CDH13: variants seen among roughly 807,000 people sequenced by gnomAD.
The protein encoded by CDH13 is cadherin 13, also known as cadherin-13.
A neutral mutation model predicts 63.8 loss-of-function variants in CDH13; 24 were observed. The ratio of observed to expected loss-of-function variants is 0.38; its 90% CI spans 0.27 to 0.53. The LOEUF (loss-of-function observed/expected upper bound fraction) is 0.53. Among genes scored for constraint, CDH13 ranks in the 20% least tolerant of loss-of-function variants. The pLI is 0.85. For synonymous variants in CDH13, 503 were observed against 355.3 expected, an observed-to-expected ratio of 1.42 and a Z score of -4.67; for missense variants, 1,049 against 903.1, an observed-to-expected ratio of 1.16 and a Z score of -2.07.
At chr16:83,206,768 G>T (rs764831418) in intron 4 of CDH13, among the ~76,000 whole-genome samples, 2 of 152,220 alleles carry the variant, frequency 1.3e-5, no homozygotes, top group Non-Finnish European at 2.9e-5. Flanking sequence ...TTATATACTG[G>T]AGGAATTTGA....
chr16:83,503,543 A>G lies in CDH13; in HGVS notation c.960+16888A>G, dbSNP rs1350807407. ...GGGAGATGCCACTCAGCAATCAGAA[A>G]CCTCCATTCCTTTTCCTGGGGTGGA... is the stretch of plus-strand genomic sequence containing the variant. On this transcript the variant is annotated intron_variant, in intron 7 of 13. Coordinates refer to ENST00000567109, the MANE Select transcript of CDH13 (RefSeq NM_001257.5). Among the ~76,000 whole-genome samples the G allele has an allele frequency of 3.3e-5, 5 of 151,660 alleles. No homozygotes were observed. The East Asian group carries it at 9.7e-4, about 29-fold the overall frequency.
intron 1 of CDH13, among the ~76,000 whole-genome samples, chr16:82,840,265 T>C (rs1993766): frequency 0.23 from 34,613 of 151,472 alleles, 4,893 homozygotes; most frequent in Non-Finnish European, 0.33. Context: ...GTGGTGAAGC[T>C]GAGGAGGGCG....
At chr16:83,224,689 T>C (rs1384410451) in intron 5 of CDH13, among the ~76,000 whole-genome samples, 2 of 152,200 alleles carry the variant, frequency 1.3e-5, no homozygotes, top group East Asian at 3.9e-4. Context: ...GAGGTGAACA[T>C]TGGCAATTTC....
chr16:83,750,458 T>C (rs1161191037), intron 11 of CDH13, among the ~76,000 whole-genome samples: 1 of 152,200 alleles, frequency 6.6e-6, no homozygotes, highest in Non-Finnish European at 1.5e-5. Flanking sequence ...CTGAACTGTG[T>C]CCTCTCAATG....
At chr16:82,997,056 G>GTGC (rs1912310742) in intron 2 of CDH13, among the ~76,000 whole-genome samples, 2 of 148,158 alleles carry the variant, frequency 1.3e-5, no homozygotes, top group South Asian at 4.3e-4. Context: ...GATGATGATA[G>GTGC]TGATGGTGAT....
At chr16:82,934,347 G>A (rs2042597577) in intron 2 of CDH13, among the ~76,000 whole-genome samples, 1 of 152,216 alleles carries the variant, frequency 6.6e-6, no homozygotes, top group Non-Finnish European at 1.5e-5. Flanking sequence ...ATCCATGGCT[G>A]GAGAAGCTGG....
intron 7 of CDH13, among the ~76,000 whole-genome samples, chr16:83,592,025 C>T (rs992517381): frequency 6.6e-6 from 1 of 152,180 alleles, no homozygotes; most frequent in African/African-American, 2.4e-5. Context: ...TTCCGGCCTC[C>T]ACCTCTCCAC....
rs903601593 is a variant in CDH13, at chr16:82,865,087, G to C, written c.157+6614G>C. 2.6e-5 allele frequency among the ~76,000 whole-genome samples: 4 copies of C among 152,222 alleles called. No individual in the cohort carries two copies. In the East Asian group the frequency reaches 7.7e-4, roughly 29 times the overall value. On this transcript the variant is annotated intron_variant, in intron 2 of 13. Transcript: ENST00000567109. ...ACAGGTCACCCTGATGCAAGAGGTGGGTTCTCACAGTCTTGGGCAGTTCCA... is the reference window on the plus strand; with the variant it reads ...ACAGGTCACCCTGATGCAAGAGGTGCGTTCTCACAGTCTTGGGCAGTTCCA...
At chr16:83,249,810 G>A (rs1467912175) in intron 5 of CDH13, among the ~76,000 whole-genome samples, 3 of 152,186 alleles carry the variant, frequency 2.0e-5, no homozygotes, top group African/African-American at 7.2e-5. Flanking sequence ...AAGCTTTGAC[G>A]TTGGTGTTAC....
rs375739644 is a variant in CDH13, at chr16:82,935,088, G to A, written c.157+76615G>A. On this transcript the variant is annotated intron_variant, in intron 2 of 13. Coordinates refer to ENST00000567109, the MANE Select transcript of CDH13 (RefSeq NM_001257.5). ...CTGCTACAAAGACATACCTGAGACT[G>A]GGTGATTTATAAAGTAAAGTGGTTT... Among the ~76,000 whole-genome samples, 7 of 152,300 alleles carry A rather than the reference G, an allele frequency of 4.6e-5. No homozygotes were observed. The South Asian group carries it at 1.2e-3, about 27-fold the overall frequency.
chr16:83,504,221 G>T (rs1221404542), intron 7 of CDH13, among the ~76,000 whole-genome samples: 1 of 152,174 alleles, frequency 6.6e-6, no homozygotes, highest in Non-Finnish European at 1.5e-5. Context: ...TTAATCCTCA[G>T]GTTGCTGCAC....
intron 4 of CDH13, among the ~76,000 whole-genome samples, chr16:83,188,254 A>T (rs2038587133): frequency 6.6e-6 from 1 of 152,174 alleles, no homozygotes; most frequent in Admixed American, 6.5e-5. Context: ...CAAGGGTAGG[A>T]ACAGCTGCAA....
chr16:82,723,378 C>G (rs1187010014), intron 1 of CDH13, among the ~76,000 whole-genome samples: 2 of 152,198 alleles, frequency 1.3e-5, no homozygotes, highest in Non-Finnish European at 2.9e-5. Context: ...TTCACCAGCT[C>G]TCTTCCTTCT....
intron 2 of CDH13, among the ~76,000 whole-genome samples, chr16:82,896,538 C>T (rs1041262784): frequency 9.2e-5 from 14 of 151,640 alleles, no homozygotes; most frequent in African/African-American, 3.4e-4. Context: ...TCAAGCAATC[C>T]GCCTGCCTTG....
rs374294797 is a variant in CDH13 at position 83,504,070 on chromosome 16, A to G, written c.960+17415A>G. On this transcript the variant is annotated intron_variant, in intron 7 of 13. Coordinates refer to ENST00000567109, the MANE Select transcript of CDH13 (RefSeq NM_001257.5). ...AAACCACCATGGCACATGTATACCT[A>G]TGTAACAAACCTGCACAGTCTGCAT... 4.0e-3 allele frequency among the ~76,000 whole-genome samples: 604 copies of G among 152,242 alleles called. 6 individuals are homozygous for G. Among genetic ancestry groups the G allele is most frequent in the African/African-American group, 0.014 (592 of 41,538 alleles).
chr16:83,493,730 C>T (rs1012140454), intron 7 of CDH13, among the ~76,000 whole-genome samples: 69 of 152,318 alleles, frequency 4.5e-4, no homozygotes, highest in African/African-American at 1.6e-3. Context: ...CTATATCCTA[C>T]TGTAAATGGG....
chr16:83,029,597 C>T (rs990669908), intron 2 of CDH13, among the ~76,000 whole-genome samples: 2 of 152,084 alleles, frequency 1.3e-5, no homozygotes, highest in Non-Finnish European at 2.9e-5. Flanking sequence ...CATGTAATGT[C>T]GAATGAAGAA....
chr16:83,762,068 A>G (rs182979195), intron 11 of CDH13, among the ~76,000 whole-genome samples: 8 of 152,322 alleles, frequency 5.3e-5, no homozygotes, highest in African/African-American at 1.2e-4. Flanking sequence ...CCTAAAAAAT[A>G]AAATAAAAAT....
intron 1 of CDH13, among the ~76,000 whole-genome samples, chr16:82,836,028 A>G (rs1418604764): frequency 1.3e-5 from 2 of 152,210 alleles, no homozygotes; most frequent in Admixed American, 6.5e-5. Flanking sequence ...TGTATCTGGT[A>G]GAATGTCTGA....
Sources: gnomAD v4.1 joint callset for allele counts (sites outside exome capture counted in the v4.1 genomes callset) on GRCh38, gnomAD v4.1.1 for gene constraint, MANE v1.5 for transcripts, NCBI Gene and HGNC (gene_info 2026-07-23, HGNC 2026-07-21) for gene names.